B4GALNT3: variants seen among roughly 807,000 people sequenced by gnomAD.
B4GALNT3 encodes beta-1,4-N-acetyl-galactosaminyltransferase 3, also known as beta-1,4-N-acetylgalactosaminyltransferase 3.
Under a neutral mutation model 120.2 loss-of-function variants are expected in B4GALNT3, and 86 were observed. The ratio of observed to expected loss-of-function variants is 0.72; its 90% CI spans 0.60 to 0.86. The LOEUF (loss-of-function observed/expected upper bound fraction) is 0.86, where lower values mean the gene tolerates loss of function less well. B4GALNT3 is among the 40% of genes least tolerant of loss of function. The pLI, the probability that B4GALNT3 is intolerant of heterozygous loss-of-function variation, is 0.00. For missense variants in B4GALNT3, 1,167 were observed against 1,298.9 expected, an observed-to-expected ratio of 0.90 and a Z score of 1.56; for synonymous variants, 518 against 510.4, an observed-to-expected ratio of 1.01 and a Z score of -0.20.
At position 553,839 on chromosome 12, in the gene B4GALNT3, G is replaced by A; in HGVS notation, c.1916G>A (p.Ser639Asn). The change falls in exon 14 of 20, where the codon AGT becomes AAT. Residue 639 changes from serine (S) to asparagine (N), a missense_variant. Physicochemically the swap from Ser to Asn is conservative, Grantham distance 46 (BLOSUM62 1). Around this residue, in one of 3 missense-constraint regions of B4GALNT3, gnomAD observed 983 missense variants for 1,102.5 expected, o/e 0.89. Transcript: ENST00000266383. ...GTAGTAAACTGGGACCAGACCTTCA[G>A]TGCCCGGAATCTCGACTTCCAAGCC... is the stretch of plus-strand genomic sequence containing the variant. ...DPVVNWDQTF[S>N]ARNLDFQALR... 1 of 1,614,240 alleles carries A rather than the reference G, an allele frequency of 6.2e-7. No homozygotes were observed. The highest frequency in any genetic ancestry group is 8.5e-7 in the Non-Finnish European group (1 of 1,180,034).
chr12:550,014 A>G lies in B4GALNT3; in HGVS notation c.997+102A>G, dbSNP rs1214249934. The G allele has an allele frequency of 8.4e-6, 11 of 1,315,142 alleles. No individual in the cohort carries two copies. The highest frequency in any genetic ancestry group is 5.3e-4 in the Middle Eastern group (2 of 3,808). 81.5% of individuals were successfully genotyped at this position (1,315,142 alleles called of 1,614,324 possible). On this transcript the variant is annotated intron_variant, in intron 10 of 19. Transcript: ENST00000266383. The surrounding 1 kb of genome is among the most constrained non-coding windows in gnomAD (Gnocchi z 4.1). ...CTTGAGAGACCTGCCAAGTATCCCA[A>G]TCACCGTAGAACTTTTTATCGTCCT... is the stretch of plus-strand genomic sequence containing the variant.
chr12:465,157 G>T (rs1217124152), intron 1 of B4GALNT3, among the ~76,000 whole-genome samples: 1 of 152,190 alleles, frequency 6.6e-6, no homozygotes, highest in Non-Finnish European at 1.5e-5. Flanking sequence ...TGGTGGGTGT[G>T]TGCCTCTCTG....
intron 1 of B4GALNT3, among the ~76,000 whole-genome samples, chr12:527,105 T>G (rs61163614): frequency 3.9e-5 from 6 of 152,220 alleles, no homozygotes; most frequent in East Asian, 1.9e-4. Flanking sequence ...GTTTTGTTTT[T>G]TTTAAAGAAA....
intron 9 of B4GALNT3, among the ~76,000 whole-genome samples, chr12:549,092 A>G (rs1947043807): frequency 6.6e-6 from 1 of 151,900 alleles, no homozygotes; most frequent in African/African-American, 2.4e-5. Flanking sequence ...CCTCAGTGAG[A>G]CTCCCATCCT....
intron 1 of B4GALNT3, among the ~76,000 whole-genome samples, chr12:507,234 A>T (rs1209827907): frequency 6.6e-6 from 1 of 151,986 alleles, no homozygotes; most frequent in East Asian, 1.9e-4. Context: ...CGTTTTTTTG[A>T]TAGTGTCACT....
intron 1 of B4GALNT3, among the ~76,000 whole-genome samples, chr12:475,930 C>A (rs796895534): frequency 4.1e-4 from 63 of 152,308 alleles, no homozygotes; most frequent in African/African-American, 1.5e-3. Flanking sequence ...GCGCAGGCTT[C>A]GCTGTGCCCG....
chr12:501,969 C>T (rs1946448282), intron 1 of B4GALNT3, among the ~76,000 whole-genome samples: 1 of 152,196 alleles, frequency 6.6e-6, no homozygotes, highest in South Asian at 2.1e-4. Flanking sequence ...GGGCCTGGGC[C>T]AGCTGAGGCA....
chr12:478,633 G>GA (rs1254880115), intron 1 of B4GALNT3, among the ~76,000 whole-genome samples: 4 of 151,932 alleles, frequency 2.6e-5, no homozygotes, highest in South Asian at 2.1e-4. Context: ...TTTTCAACAG[G>GA]AAAAAAAATC....
intron 1 of B4GALNT3, among the ~76,000 whole-genome samples, chr12:480,847 C>T (rs1277301070): frequency 6.6e-6 from 1 of 152,196 alleles, no homozygotes; most frequent in Non-Finnish European, 1.5e-5. Flanking sequence ...GGGGCACTTC[C>T]CCAGGCCCTG....
Position 556,564 on chromosome 12 carries a change from G to T in B4GALNT3, c.2078G>T (p.Arg693Leu), listed in dbSNP as rs142955460. The change falls in exon 15 of 20, where the codon CGC becomes CTC. Residue 693 changes from arginine to leucine, a missense_variant. Transcript: ENST00000266383. ...TGCCATAGGAGGTACCAGCTACAGCGCATTGTGAACGTGGAAAAGCGTCAG... is the reference window on the plus strand; with the variant it reads ...TGCCATAGGAGGTACCAGCTACAGCTCATTGTGAACGTGGAAAAGCGTCAG... ...QRSRGRYQLQRIVNVEKRQDQ... is the reference protein window; with the variant it reads ...QRSRGRYQLQLIVNVEKRQDQ... 1 of 1,613,374 alleles carries T rather than the reference G, an allele frequency of 6.2e-7. No homozygotes were observed. Among genetic ancestry groups the T allele is most frequent in the South Asian group, 1.1e-5 (1 of 91,058 alleles).
intron 1 of B4GALNT3, among the ~76,000 whole-genome samples, chr12:486,205 CTTTTTTTTTT>C (rs59345776): frequency 1.0e-5 from 1 of 97,990 alleles, no homozygotes; most frequent in Non-Finnish European, 2.0e-5. Context: ...CCAAAATATT[CTTTTTTTTTT>C]TTTTTTTTTT....
Position 550,997 on chromosome 12 carries a change from G to A in B4GALNT3, c.1073G>A (p.Gly358Glu). 6.2e-7 allele frequency: 1 copy of A among 1,613,994 alleles called. No individual in the cohort carries two copies. Among genetic ancestry groups the A allele is most frequent in the Non-Finnish European group, 8.5e-7 (1 of 1,179,844 alleles). Residue 358 changes from glycine (G) to glutamate (E), a missense_variant, in exon 11 of 20, where the codon GGG (glycine) becomes GAG (glutamate). Transcript: ENST00000266383. The surrounding 1 kb of genome is among the most constrained non-coding windows in gnomAD (Gnocchi z 4.1). ...CPYKPSYLVD[G>E]LPLQRYQGLR... ...TACAAACCCAGCTATCTGGTGGATG[G>A]GCTTCCTCTGCAGCGCTACCAGGGA...
intron 9 of B4GALNT3, 126 bp from the exon 10 acceptor site, chr12:549,643 C>A: frequency 8.2e-7 from 1 of 1,219,306 alleles, no homozygotes; most frequent in South Asian, 1.4e-5. Context: ...TGTGGCTGCG[C>A]ACATCCTACA....
intron 11 of B4GALNT3, among the ~76,000 whole-genome samples, 193 bp downstream of exon 11, chr12:551,224 C>T (rs775097734): frequency 2.0e-5 from 3 of 152,250 alleles, no homozygotes; most frequent in African/African-American, 4.8e-5. Context: ...GACTGTCCAG[C>T]AGAGCCTGCA....
intron 18 of B4GALNT3, 151 bp downstream of exon 18, chr12:558,812 A>C (rs1592060476): frequency 1.6e-5 from 13 of 834,512 alleles, no homozygotes; most frequent in Non-Finnish European, 2.2e-5. Flanking sequence ...CGGAAAACTC[A>C]CCAGACAAGG....
intron 1 of B4GALNT3, among the ~76,000 whole-genome samples, chr12:477,804 C>T (rs767541052): frequency 6.6e-6 from 1 of 152,028 alleles, no homozygotes; most frequent in Non-Finnish European, 1.5e-5. Flanking sequence ...TAGAAATATA[C>T]AAGTTGATGA....
Position 553,592 on chromosome 12 carries a change from A to C in B4GALNT3, c.1669A>C (p.Arg557=), listed in dbSNP as rs755069435. The C allele has an allele frequency of 6.2e-7, 1 of 1,613,874 alleles. No individual in the cohort carries two copies. The highest frequency in any genetic ancestry group is 8.5e-7 in the Non-Finnish European group (1 of 1,179,914). ...GCCCAGGCCCGCTGGTGACAGCCCC[A>C]GGAAGACTCAGTGGCTGAACCAGGT... ...PRPRPAGDSP[R]KTQWLNQVES... Residue 557 remains arginine, a synonymous_variant, in exon 14 of 20, where the codon AGG becomes CGG. Transcript: ENST00000266383.
intron 1 of B4GALNT3, among the ~76,000 whole-genome samples, chr12:486,738 G>A (rs933413946): frequency 3.9e-5 from 6 of 152,042 alleles, no homozygotes; most frequent in Non-Finnish European, 5.9e-5. Flanking sequence ...ACCTAACCAC[G>A]ATATCACTAA....
intron 1 of B4GALNT3, among the ~76,000 whole-genome samples, chr12:515,133 A>T (rs1946639539): frequency 6.6e-6 from 1 of 152,164 alleles, no homozygotes. Flanking sequence ...CAATTTCCTC[A>T]TCTGTGAAAG....
Sources: allele counts gnomAD v4.1 joint callset (sites outside exome capture counted in the v4.1 genomes callset), GRCh38; gene constraint gnomAD v4.1.1; regional missense constraint gnomAD v4.1.1; non-coding constraint Gnocchi (gnomAD v3.1); transcripts MANE v1.5; gene names NCBI Gene and HGNC (gene_info 2026-07-23, HGNC 2026-07-21).